The following SUFU variants were observed in gnomAD, a reference collection of about 807,000 sequenced individuals.
SUFU encodes the protein SUFU negative regulator of hedgehog signaling.
SUFU carries 7 observed loss-of-function variants against 58.9 expected under a neutral mutation model. The observed-to-expected ratio is 0.12, with a 90% confidence interval of 0.07 to 0.22. The LOEUF (loss-of-function observed/expected upper bound fraction) is 0.22, where lower values mean the gene tolerates loss of function less well. Among genes scored for constraint, SUFU ranks in the 10% least tolerant of loss-of-function variants. The pLI is 1.00. For missense variants in SUFU, 451 were observed against 641.3 expected (o/e 0.70, Z 3.20); for synonymous variants, 232 against 254.8 (o/e 0.91, Z 0.85).
chr10:102,523,459 CA>C (rs1465144605), intron 2 of SUFU, among the ~76,000 whole-genome samples: 7 of 152,166 alleles, frequency 4.6e-5, no homozygotes, highest in Admixed American at 6.6e-5. Flanking sequence ...CTACCAGTCC[CA>C]GGGGGGTCGA....
At chr10:102,530,817 A>C (rs963589143) in intron 2 of SUFU, among the ~76,000 whole-genome samples, 1 of 152,088 alleles carries the variant, frequency 6.6e-6, no homozygotes, top group Admixed American at 6.6e-5. Context: ...TAATATGCAC[A>C]AAAATATTTT....
At chr10:102,588,901 A>AT (rs796506532) in intron 3 of SUFU, among the ~76,000 whole-genome samples, 8 of 152,048 alleles carry the variant, frequency 5.3e-5, no homozygotes, top group African/African-American at 1.9e-4. Flanking sequence ...TCTTACTTTC[A>AT]TTTTTTATTT....
At chr10:102,571,621 C>A (rs1191448141) in intron 3 of SUFU, among the ~76,000 whole-genome samples, 1 of 152,216 alleles carries the variant, frequency 6.6e-6, no homozygotes, top group African/African-American at 2.4e-5. Context: ...ACCTGGGAGA[C>A]AGAGGTTGCA....
Position 102,592,668 on chromosome 10 carries a change from G to A in SUFU, c.541G>A (p.Glu181Lys). The change falls in exon 4 of 12, where the codon GAG becomes AAG. Residue 181 changes from glutamate (E) to lysine (K), a missense_variant. Transcript: ENST00000369902. ...AAGAATTCAGCACATGCTGCTGACAGAGGACCCACAGATGCAGCCCGTGCA... is the reference window on the plus strand; with the variant it reads ...AAGAATTCAGCACATGCTGCTGACAAAGGACCCACAGATGCAGCCCGTGCA... ...ESRIQHMLLTEDPQMQPVQTP... is the reference protein window; with the variant it reads ...ESRIQHMLLTKDPQMQPVQTP... The A allele has an allele frequency of 1.2e-6, 2 of 1,614,214 alleles. No homozygotes were observed. The highest frequency in any genetic ancestry group is 1.7e-6 in the Non-Finnish European group (2 of 1,180,028).
intron 3 of SUFU, among the ~76,000 whole-genome samples, chr10:102,566,893 C>T (rs1199292567): frequency 1.4e-5 from 2 of 145,208 alleles, no homozygotes; most frequent in African/African-American, 5.0e-5. Context: ...TGCAGTGAGC[C>T]GAGATTGTGC....
chr10:102,531,857 G>T (rs1399091924), intron 2 of SUFU, among the ~76,000 whole-genome samples: 1 of 152,096 alleles, frequency 6.6e-6, no homozygotes, highest in Non-Finnish European at 1.5e-5. Flanking sequence ...GAGAGTGACT[G>T]TTAGCAGTGA....
intron 2 of SUFU, among the ~76,000 whole-genome samples, chr10:102,534,272 C>G (rs1354309219): frequency 2.6e-5 from 4 of 152,126 alleles, no homozygotes; most frequent in Non-Finnish European, 4.4e-5. Flanking sequence ...ACTAAAAATA[C>G]AAAAAATAAG....
intron 3 of SUFU, among the ~76,000 whole-genome samples, chr10:102,553,830 A>G (rs957236708): frequency 6.6e-6 from 1 of 152,194 alleles, no homozygotes; most frequent in Non-Finnish European, 1.5e-5. Flanking sequence ...ACGGTGGCTC[A>G]TGTCTGTAAT....
intron 8 of SUFU, 145 bp downstream of exon 8, chr10:102,599,689 C>G: frequency 1.3e-6 from 1 of 757,328 alleles, no homozygotes; most frequent in Non-Finnish European, 2.3e-6. Flanking sequence ...CAGGCATGGT[C>G]TGGGGCACAC....
chr10:102,518,107 A>G (rs777051842), intron 2 of SUFU, among the ~76,000 whole-genome samples: 31 of 152,174 alleles, frequency 2.0e-4, no homozygotes, highest in Admixed American at 3.3e-4. Flanking sequence ...TTAAACATAT[A>G]ATTATTATTA....
At chr10:102,547,342 C>T (rs562928567) in intron 2 of SUFU, among the ~76,000 whole-genome samples, 14 of 152,326 alleles carry the variant, frequency 9.2e-5, no homozygotes, top group African/African-American at 3.4e-4. Flanking sequence ...GTTCCCTCAG[C>T]CTGCCTGCAC....
At chr10:102,597,765 A>C (rs1168619148) in intron 7 of SUFU, among the ~76,000 whole-genome samples, 2 of 152,216 alleles carry the variant, frequency 1.3e-5, no homozygotes, top group Non-Finnish European at 2.9e-5. Flanking sequence ...GCTGGCTTGC[A>C]AATTGCCCAC....
rs1193808583 is a variant in SUFU at position 102,625,655 on chromosome 10, A to C, written c.1297-1520A>C. On this transcript the variant is annotated intron_variant, in intron 10 of 11. Transcript: ENST00000369902. The surrounding 1 kb of genome is among the most constrained non-coding windows in gnomAD (Gnocchi z 4.7). ...ACTCACAAGCCGTGTGACACTGAGC[A>C]AATTACATAACCTGCCTGTGCCTGT... 6.6e-6 allele frequency among the ~76,000 whole-genome samples: 1 copy of C among 152,220 alleles called. No homozygotes were observed. Among genetic ancestry groups the C allele is most frequent in the Non-Finnish European group, 1.5e-5 (1 of 68,028 alleles).
intron 3 of SUFU, among the ~76,000 whole-genome samples, chr10:102,577,088 T>TTC (rs1414679753): frequency 1.4e-5 from 2 of 144,726 alleles, no homozygotes; most frequent in East Asian, 2.2e-4. Context: ...TTCTTTTCTT[T>TTC]TTTTTTTTTT....
chr10:102,533,456 C>T (rs1255560229), intron 2 of SUFU, among the ~76,000 whole-genome samples: 3 of 151,854 alleles, frequency 2.0e-5, no homozygotes, highest in African/African-American at 7.3e-5. Flanking sequence ...TGCTTGTGGT[C>T]CCAGCTATTT....
At chr10:102,528,877 A>T (rs551161732) in intron 2 of SUFU, among the ~76,000 whole-genome samples, 14 of 152,028 alleles carry the variant, frequency 9.2e-5, no homozygotes, top group Non-Finnish European at 1.8e-4. Context: ...TGCAACTCAA[A>T]GGTGGCTGCT....
At chr10:102,624,560 C>T (rs1168631692) in intron 10 of SUFU, among the ~76,000 whole-genome samples, 2 of 152,292 alleles carry the variant, frequency 1.3e-5, no homozygotes, top group Admixed American at 6.5e-5. Context: ...CCAGCGGGAA[C>T]CAGCAAATCA....
At chr10:102,512,619 T>C (rs1005124664) in intron 2 of SUFU, among the ~76,000 whole-genome samples, 6 of 152,266 alleles carry the variant, frequency 3.9e-5, no homozygotes, top group African/African-American at 7.2e-5. Flanking sequence ...TGTATTCATA[T>C]GTCATTTATG....
intron 10 of SUFU, among the ~76,000 whole-genome samples, chr10:102,622,810 C>T (rs1293775596): frequency 7.1e-6 from 1 of 140,986 alleles, no homozygotes; most frequent in African/African-American, 2.7e-5. Context: ...CAGAGTGAGA[C>T]TCCGTCTCAG....
Sources: gnomAD v4.1 joint callset for allele counts (sites outside exome capture counted in the v4.1 genomes callset) on GRCh38, gnomAD v4.1.1 for gene constraint, Gnocchi (gnomAD v3.1) non-coding constraint, MANE v1.5 for transcripts, NCBI Gene and HGNC (gene_info 2026-07-23, HGNC 2026-07-21) for gene names.